The following CILP variants were observed in gnomAD, a reference collection of about 807,000 sequenced individuals.
CILP encodes the protein cartilage intermediate layer protein.
In CILP, 75 loss-of-function variants were observed where a neutral mutation model predicts 82.5. The ratio of observed to expected loss-of-function variants is 0.91; its 90% CI spans 0.75 to 1.10. The LOEUF (loss-of-function observed/expected upper bound fraction) is 1.10. Ranked by LOEUF, CILP falls within the 50% of genes least tolerant of loss-of-function variation. The pLI is 0.00. For synonymous variants in CILP, 530 were observed against 580.3 expected (o/e 0.91, Z 1.25); for missense variants, 1,479 against 1,530.8 (o/e 0.97, Z 0.56).
chr15:65,198,801 A>C lies in CILP; in HGVS notation c.1485T>G (p.Arg495=). ...GCTCCCCATTGTCAGCAGCACTGAC[A>C]CGGCCCCGCACGATGCTCCGAGTTT... ...CTETRSIVRG[R]VSAADNGEPM... Residue 495 remains arginine, a synonymous_variant, in exon 9 of 9, where the codon CGT becomes CGG. Coordinates refer to ENST00000261883, the MANE Select transcript of CILP (RefSeq NM_003613.4). 2.5e-6 allele frequency: 4 copies of C among 1,614,156 alleles called. No homozygotes were observed. Among genetic ancestry groups the C allele is most frequent in the Non-Finnish European group, 3.4e-6 (4 of 1,180,032 alleles).
chr15:65,202,714 C>T (rs1230442664), intron 7 of CILP, among the ~76,000 whole-genome samples: 1 of 151,928 alleles, frequency 6.6e-6, no homozygotes, highest in East Asian at 1.9e-4. Flanking sequence ...AGGCATGAGA[C>T]ACCATGCCTG....
At chr15:65,204,240 C>A in intron 6 of CILP, 28 bp downstream of exon 6, 1 of 1,594,072 alleles carries the variant, frequency 6.3e-7, no homozygotes, top group Non-Finnish European at 8.5e-7. Flanking sequence ...GACCTTCTCA[C>A]CAGCCCTACC....
Position 65,196,415 on chromosome 15 carries a change from AC to A in CILP, c.*315del, listed in dbSNP as rs2088361655. 1 of 260,202 alleles carries A rather than the reference AC, an allele frequency of 3.8e-6. No homozygotes were observed. The highest frequency in any genetic ancestry group is 7.3e-6 in the Non-Finnish European group (1 of 137,530). The allele number at this position is 260,202 out of a possible 1,614,324, so 16.1% of individuals were successfully genotyped here. A position where few individuals can be genotyped will look rare whatever the true frequency, so the allele number is the denominator to read the frequency against. Reference sequence around the variant, plus strand: ...TATCACTATTGCAGAGGTGGGCAAAACCATGCAAAAAGAAGAGGAAGTATAT... The same window carrying A: ...TATCACTATTGCAGAGGTGGGCAAAACATGCAAAAAGAAGAGGAAGTATAT... On this transcript the variant is annotated 3_prime_UTR_variant, in exon 9 of 9. Coordinates refer to ENST00000261883, the MANE Select transcript of CILP (RefSeq NM_003613.4).
At position 65,206,799 on chromosome 15, in the gene CILP, C is replaced by T. The variant is rs376488192; in HGVS notation, c.407G>A (p.Arg136His). 4.5e-5 allele frequency: 73 copies of T among 1,612,110 alleles called. No individual in the cohort carries two copies. The highest frequency in any genetic ancestry group is 1.2e-4 in the South Asian group (11 of 91,042). Residue 136 changes from arginine (R) to histidine (H), a missense_variant, in exon 4 of 9, where the codon CGC becomes CAC. Physicochemically the swap from Arg to His is conservative, Grantham distance 29. Transcript: ENST00000261883. The stretch of plus-strand genomic sequence containing the variant: ...TGGCTTACCTGGTGGGCAGAGGAAG[C>T]GTACGGTGTAATTAGAGCAGTTCTG... ...PGQNCSNYTV[R>H]FLCPPGSLRR...
At chr15:65,203,893 T>C (rs1304044990) in intron 6 of CILP, among the ~76,000 whole-genome samples, 1 of 152,232 alleles carries the variant, frequency 6.6e-6, no homozygotes, top group Admixed American at 6.5e-5. Flanking sequence ...CTATATTGTA[T>C]TGACCGTTAG....
Position 65,206,772 on chromosome 15 carries a change from T to C in CILP, c.424+10A>G, listed in dbSNP as rs2088521494. The C allele has an allele frequency of 6.3e-7, 1 of 1,598,218 alleles. No individual in the cohort carries two copies. Among genetic ancestry groups the C allele is most frequent in the Admixed American group, 1.7e-5 (1 of 59,716 alleles). On this transcript the variant is annotated intron_variant, in intron 4 of 8. Transcript: ENST00000261883. ...AAGTAGCGGGTGGGGGTGGGGGCGT[T>C]CTGGCTTACCTGGTGGGCAGAGGAA...
chr15:65,198,357 G>C lies in CILP; in HGVS notation c.1929C>G (p.Asn643Lys). The change falls in exon 9 of 9, where the codon AAC becomes AAG. Residue 643 changes from asparagine (N) to lysine (K), a missense_variant. By Grantham distance (94) the Asn-to-Lys change is moderately conservative. Coordinates refer to ENST00000261883, the MANE Select transcript of CILP (RefSeq NM_003613.4). ...STATAAQTDL[N>K]FINDEGDTFP... ...AAGTGTCTCCTTCGTCATTGATGAA[G>C]TTCAGGTCAGTCTGGGCAGCTGTGG... is the stretch of plus-strand genomic sequence containing the variant. The C allele has an allele frequency of 6.2e-7, 1 of 1,614,230 alleles. No homozygotes were observed. The highest frequency in any genetic ancestry group is 1.1e-5 in the South Asian group (1 of 91,088).
Position 65,206,996 on chromosome 15 carries a change from G to A in CILP, c.210C>T (p.Asp70=). 2 of 1,614,016 alleles carry A rather than the reference G, an allele frequency of 1.2e-6. No homozygotes were observed. Among genetic ancestry groups the A allele is most frequent in the Non-Finnish European group, 1.7e-6 (2 of 1,180,020 alleles). Residue 70 remains aspartate, a synonymous_variant, in exon 4 of 9, where the codon GAC becomes GAT. Transcript: ENST00000261883. ...FNIDYPGGKG[D]YERLDAIRFY... ...AGCGAATGGCGTCCAGCCGCTCATA[G>A]TCGCCCTTCCCGCCTGGGTAGTCGA...
chr15:65,208,775 T>A (rs2088549707), intron 2 of CILP, among the ~76,000 whole-genome samples: 1 of 152,166 alleles, frequency 6.6e-6, no homozygotes, highest in South Asian at 2.1e-4. Flanking sequence ...AGGAGCCAAA[T>A]CAGAATTCTC....
At position 65,198,337 on chromosome 15, in the gene CILP, T is replaced by A; in HGVS notation, c.1949A>T (p.Asp650Val). The A allele has an allele frequency of 1.2e-6, 2 of 1,614,166 alleles. No homozygotes were observed. Among genetic ancestry groups the A allele is most frequent in the Non-Finnish European group, 8.5e-7 (1 of 1,180,038 alleles). ...TDLNFINDEGDTFPLRTYGMF... is the reference protein window; with the variant it reads ...TDLNFINDEGVTFPLRTYGMF... ...GCCATACGTCCGAAGGGGGAAAGTGTCTCCTTCGTCATTGATGAAGTTCAG... is the reference window on the plus strand; with the variant it reads ...GCCATACGTCCGAAGGGGGAAAGTGACTCCTTCGTCATTGATGAAGTTCAG... The change falls in exon 9 of 9, where the codon GAC (aspartate) becomes GTC (valine). Residue 650 changes from aspartate (D) to valine (V), a missense_variant. Physicochemically the swap from Asp to Val is radical, Grantham distance 152. Transcript: ENST00000261883.
rs1293967009 is a variant in CILP at position 65,209,861 on chromosome 15, C to A, written c.-106G>T. ...CTGGGAAGTTTCTCAGATCCAGTGA[C>A]CTGTAAAGAAACAAAGCTTGTCAGG... On this transcript the variant is annotated splice_region_variant and 5_prime_UTR_variant, in exon 2 of 9. Coordinates refer to ENST00000261883, the MANE Select transcript of CILP (RefSeq NM_003613.4). 7 of 874,766 alleles carry A rather than the reference C, an allele frequency of 8.0e-6. No homozygotes were observed. The highest frequency in any genetic ancestry group is 3.3e-5 in the African/African-American group (2 of 59,842). 54.2% of individuals were successfully genotyped at this position (874,766 alleles called of 1,614,324 possible).
At chr15:65,205,501 C>G (rs2088509837) in intron 4 of CILP, 35 bp from the exon 5 acceptor site, 1 of 1,556,442 alleles carries the variant, frequency 6.4e-7, no homozygotes, top group African/African-American at 1.4e-5. Context: ...TCTGATTTCC[C>G]TCTTGAGGGA....
At chr15:65,203,249 T>C (rs1254477708) in intron 7 of CILP, 113 bp downstream of exon 7, 1 of 743,928 alleles carries the variant, frequency 1.3e-6, no homozygotes. Flanking sequence ...ACCACTGTCT[T>C]ACTTGTAACT....
chr15:65,206,383 C>A (rs1411492817), intron 4 of CILP, among the ~76,000 whole-genome samples: 1 of 152,154 alleles, frequency 6.6e-6, no homozygotes, highest in East Asian at 1.9e-4. Flanking sequence ...CTTACTATTA[C>A]CCAGGTGTCA....
Position 65,196,712 on chromosome 15 carries a change from G to T in CILP, c.*19C>A. 4.0e-6 allele frequency: 6 copies of T among 1,511,982 alleles called. No homozygotes were observed. The highest frequency in any genetic ancestry group is 5.3e-6 in the Non-Finnish European group (6 of 1,126,162). The allele number at this position is 1,511,982 out of a possible 1,614,324, so 93.7% of individuals were successfully genotyped here. A position where few individuals can be genotyped will look rare whatever the true frequency, so the allele number is the denominator to read the frequency against. ...TGTCACATGAAATGAGGGCAGAAGA[G>T]GGTGAAGTACCACAAAACTTAGTTG... On this transcript the variant is annotated 3_prime_UTR_variant, in exon 9 of 9. Transcript: ENST00000261883.
At chr15:65,208,947 C>A (rs886439605) in intron 2 of CILP, among the ~76,000 whole-genome samples, 1 of 150,802 alleles carries the variant, frequency 6.6e-6, no homozygotes, top group Non-Finnish European at 1.5e-5. Context: ...GCTGAGACAG[C>A]CTTTGTTCCT....
Position 65,197,394 on chromosome 15 carries a change from C to T in CILP, c.2892G>A (p.Leu964=), listed in dbSNP as rs1356359863. Residue 964 remains leucine, a synonymous_variant, in exon 9 of 9, where the codon CTG becomes CTA. Coordinates refer to ENST00000261883, the MANE Select transcript of CILP (RefSeq NM_003613.4). The stretch of plus-strand genomic sequence containing the variant: ...TGTTGCGGGATCGCACATTCACTTC[C>T]AGTGGCCCCACAATCTTCACCTTGA... ...CYIKVKIVGP[L]EVNVRSRNMG... is the part of the protein sequence containing the mutation. 9 of 1,614,124 alleles carry T rather than the reference C, an allele frequency of 5.6e-6. No homozygotes were observed. Among genetic ancestry groups the T allele is most frequent in the Non-Finnish European group, 7.6e-6 (9 of 1,180,064 alleles).
At chr15:65,204,856 A>C (rs533251388) in intron 5 of CILP, among the ~76,000 whole-genome samples, 1 of 152,130 alleles carries the variant, frequency 6.6e-6, no homozygotes, top group Admixed American at 6.5e-5. Flanking sequence ...TTGTCTCTAC[A>C]AAAAATACAA....
At position 65,201,897 on chromosome 15, in the gene CILP, G is replaced by A. The variant is rs2088460172; in HGVS notation, c.1161C>T (p.Ser387=). The change falls in exon 8 of 9, where the codon TCC becomes TCT. Residue 387 remains serine, a synonymous_variant. Coordinates refer to ENST00000261883, the MANE Select transcript of CILP (RefSeq NM_003613.4). The stretch of plus-strand genomic sequence containing the variant: ...CTATGACAATCAGCTGGGCAACCTT[G>A]GACTTCACAGCCCCAGCATCACTCT... ...KAQSDAGAVK[S]KVAQLIVIAS... 6.3e-7 allele frequency: 1 copy of A among 1,577,188 alleles called. No homozygotes were observed. The highest frequency in any genetic ancestry group is 8.6e-7 in the Non-Finnish European group (1 of 1,163,016).
Sources: allele counts gnomAD v4.1 joint callset (sites outside exome capture counted in the v4.1 genomes callset), GRCh38; gene constraint gnomAD v4.1.1; transcripts MANE v1.5; gene names NCBI Gene and HGNC (gene_info 2026-07-23, HGNC 2026-07-21).